Variants in ZNF385D observed in about 807,000 individuals in gnomAD.
The protein encoded by ZNF385D is zinc finger protein 659.
A neutral mutation model predicts 35.8 loss-of-function variants in ZNF385D; 15 were observed. The ratio of observed to expected loss-of-function variants is 0.42; its 90% CI spans 0.28 to 0.64. The LOEUF is 0.64. ZNF385D is among the 30% of genes least tolerant of loss of function. ZNF385D has a pLI of 0.23. For missense variants in ZNF385D, 474 were observed against 494.6 expected (o/e 0.96, Z 0.39); for synonymous variants, 212 against 186.8 (o/e 1.13, Z -1.10).
intron 1 of ZNF385D, among the ~76,000 whole-genome samples, chr3:21,715,451 A>T (rs2068278789): frequency 1.3e-5 from 2 of 152,322 alleles, no homozygotes; most frequent in Middle Eastern, 3.4e-3. Context: ...ATGGCTGAAT[A>T]GTATTCCATT....
chr3:21,814,978 ACTGT>A (rs1559650072), intron 3 of ZNF385D, among the ~76,000 whole-genome samples: 1 of 152,202 alleles, frequency 6.6e-6, no homozygotes, highest in African/African-American at 2.4e-5. Flanking sequence ...ATTATAACAA[ACTGT>A]CTCTCAGACC....
intron 2 of ZNF385D, among the ~76,000 whole-genome samples, chr3:21,644,748 T>G (rs2065703043): frequency 6.6e-6 from 1 of 152,130 alleles, no homozygotes. Context: ...AAAAGTAAAT[T>G]TCCTGCATAT....
chr3:21,425,022 C>G (rs556523991), intron 6 of ZNF385D, among the ~76,000 whole-genome samples: 1 of 152,214 alleles, frequency 6.6e-6, no homozygotes, highest in African/African-American at 2.4e-5. Flanking sequence ...GCTGCAAGAT[C>G]TAAACATACA....
intron 3 of ZNF385D, among the ~76,000 whole-genome samples, chr3:22,090,407 G>C (rs1701268490): frequency 6.6e-6 from 1 of 151,994 alleles, no homozygotes; most frequent in Non-Finnish European, 1.5e-5. Context: ...TGACTTAAGA[G>C]CCCAAGTGAC....
intron 2 of ZNF385D, among the ~76,000 whole-genome samples, chr3:21,567,401 G>A (rs1286008604): frequency 6.6e-6 from 1 of 151,912 alleles, no homozygotes; most frequent in Non-Finnish European, 1.5e-5. Context: ...TATTTCCCCA[G>A]AACCAAAATT....
intron 2 of ZNF385D, among the ~76,000 whole-genome samples, chr3:22,193,583 G>T (rs950014454): frequency 6.6e-6 from 1 of 151,938 alleles, no homozygotes; most frequent in Non-Finnish European, 1.5e-5. Flanking sequence ...CAAAATTGAA[G>T]ATTATGTGCA....
chr3:21,666,779 A>G (rs1375735268), intron 1 of ZNF385D, among the ~76,000 whole-genome samples: 1 of 152,126 alleles, frequency 6.6e-6, no homozygotes, highest in African/African-American at 2.4e-5. Context: ...GTACATCTTT[A>G]AAAAACTCAG....
intron 2 of ZNF385D, among the ~76,000 whole-genome samples, chr3:22,276,640 AAT>A (rs1701443823): frequency 6.6e-6 from 1 of 152,148 alleles, no homozygotes; most frequent in Non-Finnish European, 1.5e-5. Context: ...ATCACTGTAA[AAT>A]ATATGATTTT....
intron 4 of ZNF385D, among the ~76,000 whole-genome samples, chr3:21,488,346 G>GACACAC (rs4045132): frequency 6.6e-6 from 1 of 150,618 alleles, no homozygotes; most frequent in African/African-American, 2.4e-5. Flanking sequence ...CAGACACACA[G>GACACAC]ACACACACAC....
intron 2 of ZNF385D, among the ~76,000 whole-genome samples, chr3:21,572,025 C>G (rs1272762984): frequency 1.3e-5 from 2 of 152,166 alleles, no homozygotes; most frequent in East Asian, 1.9e-4. Context: ...AACTCAATCT[C>G]CAGCATCCTT....
intron 3 of ZNF385D, among the ~76,000 whole-genome samples, chr3:21,793,815 A>C (rs748304902): frequency 6.6e-6 from 1 of 152,230 alleles, no homozygotes; most frequent in Non-Finnish European, 1.5e-5. Flanking sequence ...AGGATGCTGA[A>C]ATCCACAAAA....
rs1018931647 is a variant in ZNF385D, at chr3:22,242,105, T to C, written c.107-73070A>G. ...TGGGGGAAGGGGGGAGGGATAGCAC[T>C]GGGAGATATACCTAATGCTAGATGA... On this transcript the variant is annotated intron_variant, in intron 2 of 5. Coordinates refer to the ZNF385D transcript ENST00000494108. Among the ~76,000 whole-genome samples, 3 of 150,680 alleles carry C rather than the reference T, an allele frequency of 2.0e-5. 1 individual carries two copies. Among genetic ancestry groups the C allele is most frequent in the African/African-American group, 7.4e-5 (3 of 40,646 alleles).
chr3:22,153,775 C>A (rs1705415578), intron 3 of ZNF385D, among the ~76,000 whole-genome samples: 1 of 152,026 alleles, frequency 6.6e-6, no homozygotes, highest in South Asian at 2.1e-4. Flanking sequence ...GCAACGGACT[C>A]TGCATTTTTC....
chr3:22,273,671 T>G (rs1470660590), intron 2 of ZNF385D, among the ~76,000 whole-genome samples: 8 of 152,034 alleles, frequency 5.3e-5, no homozygotes, highest in Non-Finnish European at 7.4e-5. Context: ...AAAGAATGTA[T>G]TTCAGTGAGA....
intron 4 of ZNF385D, among the ~76,000 whole-genome samples, chr3:21,449,933 C>T (rs6776560): frequency 7.2e-5 from 11 of 152,066 alleles, no homozygotes; most frequent in African/African-American, 2.4e-4. Flanking sequence ...TGTTGCCAAG[C>T]GGTCAAGATC....
At chr3:21,872,575 T>C (rs1697749200) in intron 3 of ZNF385D, among the ~76,000 whole-genome samples, 4 of 152,140 alleles carry the variant, frequency 2.6e-5, no homozygotes, top group African/African-American at 7.2e-5. Context: ...ATAAGTTTTA[T>C]ATCACTCTTG....
upstream of ZNF385D, among the ~76,000 whole-genome samples, chr3:21,753,720 C>G (rs1258602907): frequency 1.3e-5 from 2 of 151,916 alleles, no homozygotes; most frequent in Admixed American, 6.6e-5. Context: ...TTACATAAAA[C>G]TATTTTATTT....
intron 4 of ZNF385D, among the ~76,000 whole-genome samples, chr3:21,439,319 A>AG (rs1701742397): frequency 7.7e-6 from 1 of 129,188 alleles, no homozygotes; most frequent in Non-Finnish European, 1.6e-5. Context: ...AAAAAAAAAA[A>AG]GTTGGGAATG....
chr3:22,024,418 T>C (rs1282255088), intron 3 of ZNF385D, among the ~76,000 whole-genome samples: 2 of 152,062 alleles, frequency 1.3e-5, no homozygotes, highest in African/African-American at 2.4e-5. Flanking sequence ...TTCTAGAATA[T>C]TAAGGATGGA....
Sources: allele counts gnomAD v4.1 joint callset (sites outside exome capture counted in the v4.1 genomes callset), GRCh38; gene constraint gnomAD v4.1.1; transcripts MANE v1.5; gene names NCBI Gene and HGNC (gene_info 2026-07-23, HGNC 2026-07-21).